The following KIAA0319L variants were observed in gnomAD, a reference collection of about 807,000 sequenced individuals.
KIAA0319L encodes KIAA0319 like.
KIAA0319L carries 55 observed loss-of-function variants against 120.1 expected under a neutral mutation model. That is an observed-to-expected ratio of 0.46 (90% confidence interval 0.37 to 0.57). The LOEUF (loss-of-function observed/expected upper bound fraction) is 0.57, where lower values mean the gene tolerates loss of function less well. Ranked by LOEUF, KIAA0319L falls within the 20% of genes least tolerant of loss-of-function variation. KIAA0319L has a pLI of 0.00. For missense variants in KIAA0319L, 1,049 were observed against 1,255.3 expected (o/e 0.84, Z 2.48); for synonymous variants, 398 against 471.9 (o/e 0.84, Z 2.03).
chr1:35,477,883 C>T, intron 4 of KIAA0319L, among the ~76,000 whole-genome samples: 1 of 152,062 alleles, frequency 6.6e-6, no homozygotes, highest in Admixed American at 6.5e-5. Flanking sequence ...CCATGTGACT[C>T]AATAATCCCA....
intron 8 of KIAA0319L, among the ~76,000 whole-genome samples, 180 bp from the exon 9 acceptor site, chr1:35,460,617 T>A (rs1240663085): frequency 6.6e-6 from 1 of 152,254 alleles, no homozygotes; most frequent in African/African-American, 2.4e-5. Flanking sequence ...CCTCTCTATG[T>A]ATATTCTACT....
At position 35,479,216 on chromosome 1, in the gene KIAA0319L, A is replaced by G. The variant is rs1462103166; in HGVS notation, c.667-4T>C. On this transcript the variant is annotated splice_polypyrimidine_tract_variant and splice_region_variant and intron_variant, in intron 3 of 20. Transcript: ENST00000325722. ...AAATTGTAATCGCCTTGTGGACCTAAAGAAATAAAAAAACTAATTTGAGTA... is the reference window on the plus strand; with the variant it reads ...AAATTGTAATCGCCTTGTGGACCTAGAGAAATAAAAAAACTAATTTGAGTA... 6.2e-7 allele frequency: 1 copy of G among 1,606,856 alleles called. No homozygotes were observed. The highest frequency in any genetic ancestry group is 8.5e-7 in the Non-Finnish European group (1 of 1,175,254).
chr1:35,495,692 A>T (rs1232986869), intron 3 of KIAA0319L, among the ~76,000 whole-genome samples: 1 of 151,964 alleles, frequency 6.6e-6, no homozygotes, highest in Non-Finnish European at 1.5e-5. Context: ...TCACTCTGTC[A>T]CCCAGGCTAG....
At chr1:35,478,425 G>A (rs1248854326) in intron 4 of KIAA0319L, among the ~76,000 whole-genome samples, 1 of 152,118 alleles carries the variant, frequency 6.6e-6, no homozygotes, top group Non-Finnish European at 1.5e-5. Context: ...TAACTGGATT[G>A]TTTGTAACAC....
At chr1:35,515,550 A>G (rs1419867339) in intron 2 of KIAA0319L, among the ~76,000 whole-genome samples, 2 of 152,190 alleles carry the variant, frequency 1.3e-5, no homozygotes, top group Non-Finnish European at 2.9e-5. Context: ...TCTCTGGGAC[A>G]CAGCTAAGGC....
At position 35,460,445 on chromosome 1, in the gene KIAA0319L, A is replaced by G. The variant is rs1417556872; in HGVS notation, c.1295-8T>C. The G allele has an allele frequency of 6.2e-7, 1 of 1,611,178 alleles. No individual in the cohort carries two copies. The highest frequency in any genetic ancestry group is 1.7e-5 in the Admixed American group (1 of 59,492). ...TATCATCATCAGTGCTTTCTTGACC[A>G]TAAAGAAACATCAGTTACAACATGA... is the stretch of plus-strand genomic sequence containing the variant. On this transcript the variant is annotated splice_polypyrimidine_tract_variant and splice_region_variant and intron_variant, in intron 8 of 20. Transcript: ENST00000325722.
At chr1:35,449,492 G>A (rs1408340463) in intron 15 of KIAA0319L, among the ~76,000 whole-genome samples, 1 of 152,196 alleles carries the variant, frequency 6.6e-6, no homozygotes, top group Non-Finnish European at 1.5e-5. Context: ...CATGACTCAA[G>A]CTATTCCCAT....
At chr1:35,538,961 T>C (rs1646687993) in intron 2 of KIAA0319L, among the ~76,000 whole-genome samples, 1 of 152,084 alleles carries the variant, frequency 6.6e-6, no homozygotes, top group South Asian at 2.1e-4. Context: ...AAACTGGCGT[T>C]TCCTTATCCT....
chr1:35,510,627 G>C (rs552463543), intron 2 of KIAA0319L: 1 of 144,856 alleles, frequency 6.9e-6, no homozygotes, highest in African/African-American at 2.7e-5. Flanking sequence ...TATTTATTTA[G>C]AGACAGGTTC....
chr1:35,445,039 T>C (rs141154157), intron 16 of KIAA0319L, among the ~76,000 whole-genome samples: 6 of 152,266 alleles, frequency 3.9e-5, no homozygotes, highest in African/African-American at 1.4e-4. Context: ...ATTAGAACCT[T>C]CTAAATCAGT....
intron 2 of KIAA0319L, among the ~76,000 whole-genome samples, chr1:35,551,714 T>C (rs1647213622): frequency 6.6e-6 from 1 of 152,242 alleles, no homozygotes; most frequent in Non-Finnish European, 1.5e-5. Flanking sequence ...CTGTCACATG[T>C]TGCTTGCATG....
chr1:35,501,146 C>T (rs1644990002), intron 3 of KIAA0319L, among the ~76,000 whole-genome samples: 1 of 152,132 alleles, frequency 6.6e-6, no homozygotes, highest in Admixed American at 6.5e-5. Flanking sequence ...CAATTTCTTG[C>T]CACTGCCCAC....
intron 2 of KIAA0319L, among the ~76,000 whole-genome samples, chr1:35,538,486 G>A: frequency 6.6e-6 from 1 of 151,258 alleles, no homozygotes; most frequent in South Asian, 2.1e-4. Flanking sequence ...AGCTACTCGG[G>A]AGGCTGAGGC....
intron 2 of KIAA0319L, among the ~76,000 whole-genome samples, chr1:35,522,832 A>C (rs2148447699): frequency 6.6e-6 from 1 of 151,434 alleles, no homozygotes; most frequent in Admixed American, 6.6e-5. Context: ...CCTGGCTAAC[A>C]CTGGGAAACC....
At chr1:35,536,874 T>TA (rs67994036) in intron 2 of KIAA0319L, among the ~76,000 whole-genome samples, 1,499 of 139,942 alleles carry the variant, frequency 0.011, 6 homozygotes, top group Middle Eastern at 0.036. Context: ...GCTATGCACT[T>TA]AAAAAAAAAA....
intron 2 of KIAA0319L, 83 bp downstream of exon 2, chr1:35,554,267 T>C (rs1445384683): frequency 8.6e-6 from 9 of 1,049,566 alleles, no homozygotes; most frequent in African/African-American, 1.6e-5. Context: ...TGCCTCCTAA[T>C]AGTCCTTAAA....
chr1:35,459,509 A>G (rs951464650), intron 9 of KIAA0319L, among the ~76,000 whole-genome samples: 7 of 151,780 alleles, frequency 4.6e-5, no homozygotes, highest in African/African-American at 1.7e-4. Context: ...AGGCAGGAGA[A>G]CGGCATGAAT....
At chr1:35,494,768 A>T (rs1308898309) in intron 3 of KIAA0319L, among the ~76,000 whole-genome samples, 1 of 152,206 alleles carries the variant, frequency 6.6e-6, no homozygotes, top group Non-Finnish European at 1.5e-5. Flanking sequence ...CCAAGACTGT[A>T]CCATTGCACT....
chr1:35,493,441 A>T (rs983572153), intron 3 of KIAA0319L, among the ~76,000 whole-genome samples: 7 of 152,060 alleles, frequency 4.6e-5, no homozygotes, highest in African/African-American at 1.7e-4. Context: ...GATGTGCAAG[A>T]TCTGTACACT....
Sources: allele counts gnomAD v4.1 joint callset (sites outside exome capture counted in the v4.1 genomes callset), GRCh38; gene constraint gnomAD v4.1.1; transcripts MANE v1.5; gene names NCBI Gene and HGNC (gene_info 2026-07-23, HGNC 2026-07-21).